The following GUCY1A1 variants were observed in gnomAD, a reference collection of about 807,000 sequenced individuals.
GUCY1A1 encodes guanylate cyclase 1 soluble subunit alpha 1, also known as guanylate cyclase soluble subunit alpha-1.
GUCY1A1 carries 48 observed loss-of-function variants against 64.5 expected under a neutral mutation model. That is an observed-to-expected ratio of 0.74 (90% CI 0.59 to 0.95). The LOEUF (loss-of-function observed/expected upper bound fraction) is 0.95, where lower values mean the gene tolerates loss of function less well. GUCY1A1 is among the 40% of genes least tolerant of loss of function. The pLI is 0.00. For synonymous variants in GUCY1A1, 308 were observed against 303.4 expected (o/e 1.02, Z -0.16); for missense variants, 804 against 825.3 (o/e 0.97, Z 0.32).
chr4:155,711,300 A>C (rs190071141), intron 6 of GUCY1A1, 49 bp downstream of exon 6: 615 of 978,540 alleles, frequency 6.3e-4, no homozygotes, highest in Non-Finnish European at 8.9e-4. Flanking sequence ...TTTCATATTT[A>C]AGAGCAAGAA....
chr4:155,691,548 A>G (rs1013777739), intron 2 of GUCY1A1, among the ~76,000 whole-genome samples: 1 of 152,224 alleles, frequency 6.6e-6, no homozygotes, highest in African/African-American at 2.4e-5. Flanking sequence ...ACTGAAGTAT[A>G]CAAACTTTAT....
chr4:155,708,258 T>C lies in GUCY1A1; in HGVS notation c.340T>C (p.Phe114Leu). 1 of 1,548,834 alleles carries C rather than the reference T, an allele frequency of 6.5e-7. No homozygotes were observed. Among genetic ancestry groups the C allele is most frequent in the Non-Finnish European group, 8.9e-7 (1 of 1,121,888 alleles). The stretch of plus-strand genomic sequence containing the variant: ...CAGGAAATCTTTGGAAAGAGAAGAC[T>C]TTGAAAAAACAATTGCAGAGCAAGC... ...ESRKSLERED[F>L]EKTIAEQAVA... Residue 114 changes from phenylalanine to leucine, a missense_variant, in exon 5 of 10, where the codon TTT becomes CTT. By Grantham distance (22) the Phe-to-Leu change is conservative. Transcript: ENST00000506455.
rs1349168771 is a variant in GUCY1A1, at chr4:155,730,676, A to T, written c.*445A>T. 1 of 153,962 alleles carries T rather than the reference A, an allele frequency of 6.5e-6. No homozygotes were observed. Among genetic ancestry groups the T allele is most frequent in the African/African-American group, 2.4e-5 (1 of 41,424 alleles). 9.5% of individuals were successfully genotyped at this position (153,962 alleles called of 1,614,324 possible). ...ATTCTTTGACACCCTCAGTTCTTTC[A>T]AACTTTCAACTCTGCATTTTATTGC... On this transcript the variant is annotated 3_prime_UTR_variant, in exon 10 of 10. Coordinates refer to ENST00000506455, the MANE Select transcript of GUCY1A1 (RefSeq NM_001130682.3).
chr4:155,692,365 G>A (rs1184558549), intron 2 of GUCY1A1, among the ~76,000 whole-genome samples: 1 of 151,984 alleles, frequency 6.6e-6, no homozygotes, highest in African/African-American at 2.4e-5. Flanking sequence ...TTGAGGAATT[G>A]CCACACTCTC....
chr4:155,721,862 A>G (rs147508413), intron 8 of GUCY1A1, among the ~76,000 whole-genome samples, 176 bp from the exon 9 acceptor site: 8 of 152,288 alleles, frequency 5.3e-5, no homozygotes, highest in Non-Finnish European at 1.0e-4. Flanking sequence ...TTGATTCTGC[A>G]CTAGTAATTT....
In GUCY1A1 at chr4:155,736,165, C is replaced by A. The variant is rs771624029; in HGVS notation, c.*5934C>A. The A allele has an allele frequency of 6.6e-6, 1 of 151,942 alleles. No homozygotes were observed. Among genetic ancestry groups the A allele is most frequent in the African/African-American group, 2.4e-5 (1 of 41,394 alleles). 9.4% of individuals were successfully genotyped at this position (151,942 alleles called of 1,614,324 possible). ...TATTGTAGGACAACAACTCTATAGA[C>A]TGATACATGCTGCTCTCAATCCATA... On this transcript the variant is annotated 3_prime_UTR_variant, in exon 10 of 10. Transcript: ENST00000506455.
At chr4:155,718,927 T>A (rs192508479) in intron 8 of GUCY1A1, among the ~76,000 whole-genome samples, 1 of 152,196 alleles carries the variant, frequency 6.6e-6, no homozygotes, top group African/African-American at 2.4e-5. Context: ...TTCAGATTTA[T>A]TTTCGATAAT....
intron 2 of GUCY1A1, among the ~76,000 whole-genome samples, chr4:155,676,830 T>C (rs1735017451): frequency 6.6e-6 from 1 of 151,610 alleles, no homozygotes; most frequent in Admixed American, 6.6e-5. Flanking sequence ...GCATTTATTT[T>C]TCTGCTCCTG....
intron 2 of GUCY1A1, among the ~76,000 whole-genome samples, chr4:155,687,031 A>G (rs1472734159): frequency 5.3e-5 from 8 of 152,192 alleles, no homozygotes; most frequent in Non-Finnish European, 1.2e-4. Flanking sequence ...GATAATGAGC[A>G]TTGGATATAT....
At chr4:155,669,666 C>T (rs1226007837) in intron 2 of GUCY1A1, among the ~76,000 whole-genome samples, 2 of 152,044 alleles carry the variant, frequency 1.3e-5, no homozygotes, top group East Asian at 3.9e-4. Context: ...ATATCTATTA[C>T]AAATACATCA....
At chr4:155,674,970 G>A (rs973655131) in intron 2 of GUCY1A1, among the ~76,000 whole-genome samples, 1 of 151,432 alleles carries the variant, frequency 6.6e-6, no homozygotes, top group South Asian at 2.1e-4. Flanking sequence ...ACATCTCCAC[G>A]AGCATTTCAG....
intron 2 of GUCY1A1, among the ~76,000 whole-genome samples, chr4:155,675,059 G>A (rs1734708587): frequency 6.6e-6 from 1 of 151,436 alleles, no homozygotes; most frequent in Non-Finnish European, 1.5e-5. Flanking sequence ...ATAAACATAT[G>A]GGAACATGAT....
rs890363131 is a variant in GUCY1A1 at position 155,735,365 on chromosome 4, C to G, written c.*5134C>G. The G allele has an allele frequency of 6.6e-6, 1 of 151,812 alleles. No homozygotes were observed. Among genetic ancestry groups the G allele is most frequent in the African/African-American group, 2.4e-5 (1 of 41,358 alleles). 9.4% of individuals were successfully genotyped at this position (151,812 alleles called of 1,614,324 possible). On this transcript the variant is annotated 3_prime_UTR_variant, in exon 10 of 10. Transcript: ENST00000506455. ...TCTAAAAGCCACACTTCTTTTATCA[C>G]CAGTGCAGTTTTTTCCATCATCATA...
chr4:155,691,419 G>A (rs1398502987), intron 2 of GUCY1A1, among the ~76,000 whole-genome samples: 1 of 152,108 alleles, frequency 6.6e-6, no homozygotes, highest in Non-Finnish European at 1.5e-5. Flanking sequence ...TAAAAGACTG[G>A]TTTATGGGAT....
intron 9 of GUCY1A1, among the ~76,000 whole-genome samples, chr4:155,724,286 A>T (rs1938250968): frequency 6.6e-6 from 1 of 152,150 alleles, no homozygotes; most frequent in Non-Finnish European, 1.5e-5. Flanking sequence ...AACAGAATAC[A>T]ACCATATCTA....
At chr4:155,676,192 A>G (rs1225647431) in intron 2 of GUCY1A1, among the ~76,000 whole-genome samples, 1 of 151,372 alleles carries the variant, frequency 6.6e-6, no homozygotes, top group African/African-American at 2.5e-5. Context: ...AGTATGTGGG[A>G]CATAGATAAG....
In GUCY1A1 at chr4:155,722,220, C is replaced by G. The variant is rs113286015; in HGVS notation, c.1871+28C>G. On this transcript the variant is annotated intron_variant, in intron 9 of 9. Coordinates refer to ENST00000506455, the MANE Select transcript of GUCY1A1 (RefSeq NM_001130682.3). Reference sequence around the variant, plus strand: ...AGTAATTATGTTAAACACCTAAAATCTCTTGTTTTTATTTATATACAATTG... The same window carrying G: ...AGTAATTATGTTAAACACCTAAAATGTCTTGTTTTTATTTATATACAATTG... 1.9e-6 allele frequency: 3 copies of G among 1,599,414 alleles called. No homozygotes were observed. In the African/African-American group the frequency reaches 4.0e-5, roughly 22 times the overall value.
chr4:155,674,381 C>G lies in GUCY1A1; in HGVS notation c.-113+6962C>G, dbSNP rs376988724. On this transcript the variant is annotated intron_variant, in intron 2 of 9. Transcript: ENST00000506455. ...AAAAAAAAAGAAAGAAAGAAAGAAA[C>G]AAAGAAACAAAGAAAACATGTGCTA... Among the ~76,000 whole-genome samples, 198 of 149,620 alleles carry G rather than the reference C, an allele frequency of 1.3e-3. 6 individuals are homozygous for G. The highest frequency in any genetic ancestry group is 4.5e-3 in the African/African-American group (180 of 39,970).
At position 155,732,222 on chromosome 4, in the gene GUCY1A1, T is replaced by C. The variant is rs1318631928; in HGVS notation, c.*1991T>C. On this transcript the variant is annotated 3_prime_UTR_variant, in exon 10 of 10. Transcript: ENST00000506455. The stretch of plus-strand genomic sequence containing the variant: ...TGTGTGTTTGTGATGTATTAGCATA[T>C]ACACAAAACAAATGAGGGGAATGTA... 1 of 151,904 alleles carries C rather than the reference T, an allele frequency of 6.6e-6. No individual in the cohort carries two copies. Among genetic ancestry groups the C allele is most frequent in the Non-Finnish European group, 1.5e-5 (1 of 67,880 alleles). 9.4% of individuals were successfully genotyped at this position (151,904 alleles called of 1,614,324 possible).
Sources: allele counts gnomAD v4.1 joint callset (sites outside exome capture counted in the v4.1 genomes callset), GRCh38; gene constraint gnomAD v4.1.1; transcripts MANE v1.5; gene names NCBI Gene and HGNC (gene_info 2026-07-23, HGNC 2026-07-21).